The following NRXN2 variants were observed in gnomAD, a reference collection of about 807,000 sequenced individuals.
NRXN2 encodes neurexin 2.
NRXN2 carries 29 observed loss-of-function variants against 128.8 expected under a neutral mutation model. The ratio of observed to expected loss-of-function variants is 0.23; its 90% CI spans 0.17 to 0.31. The LOEUF (loss-of-function observed/expected upper bound fraction) is 0.31, where lower values mean the gene tolerates loss of function less well. NRXN2 is among the 10% of genes least tolerant of loss of function. The probability of loss-of-function intolerance (pLI) is 1.00; values close to 1 mark genes in which losing one functional copy is unlikely to be tolerated. For synonymous variants in NRXN2, 1,098 were observed against 1,075.2 expected, an observed-to-expected ratio of 1.02 and a Z score of -0.41; for missense variants, 1,881 against 2,452.6, an observed-to-expected ratio of 0.77 and a Z score of 4.92.
intron 2 of NRXN2, among the ~76,000 whole-genome samples, chr11:64,706,733 G>C (rs1439060231): frequency 6.6e-6 from 1 of 151,958 alleles, no homozygotes; most frequent in Non-Finnish European, 1.5e-5. Context: ...CAGCTCCTTT[G>C]CTTCAAACGA....
In NRXN2 at chr11:64,630,640, C is replaced by G; in HGVS notation, c.3586-67G>C. The G allele has an allele frequency of 6.4e-7, 1 of 1,561,510 alleles. No homozygotes were observed. Among genetic ancestry groups the G allele is most frequent in the Non-Finnish European group, 8.8e-7 (1 of 1,137,754 alleles). ...CCATTCATCCCTTCTAGTGGCTACT[C>G]CTGTGACCACCACTAGCCCAGCTCC... On this transcript the variant is annotated intron_variant, in intron 18 of 22. Transcript: ENST00000265459. The surrounding 1 kb of genome is among the most constrained non-coding windows in gnomAD (Gnocchi z 4.6).
intron 1 of NRXN2, among the ~76,000 whole-genome samples, chr11:64,721,288 C>T (rs980380181): frequency 1.3e-5 from 2 of 151,868 alleles, no homozygotes; most frequent in East Asian, 1.9e-4. Context: ...GGGGTCCCCA[C>T]CAGCCACTCG....
chr11:64,624,851 T>G (rs905002416), intron 20 of NRXN2, among the ~76,000 whole-genome samples: 2 of 152,148 alleles, frequency 1.3e-5, no homozygotes, highest in African/African-American at 4.8e-5. Flanking sequence ...GCACCTACCA[T>G]AGTCAGGCGC....
intron 17 of NRXN2, among the ~76,000 whole-genome samples, chr11:64,636,464 G>A (rs1398419022): frequency 1.3e-5 from 2 of 152,078 alleles, no homozygotes; most frequent in East Asian, 3.9e-4. Flanking sequence ...GGGAGGCCTG[G>A]AGGACTAGTA....
chr11:64,616,168 C>T (rs2041485063), intron 22 of NRXN2, among the ~76,000 whole-genome samples: 1 of 152,142 alleles, frequency 6.6e-6, no homozygotes, highest in South Asian at 2.1e-4. Flanking sequence ...ATCTGAACCC[C>T]TGTGAGTCTT....
chr11:64,673,019 C>T (rs1565372925), intron 7 of NRXN2, among the ~76,000 whole-genome samples: 1 of 152,152 alleles, frequency 6.6e-6, no homozygotes, highest in African/African-American at 2.4e-5. Flanking sequence ...TAACAACTGT[C>T]GCTCCCATTT....
chr11:64,712,783 C>A, intron 2 of NRXN2, 187 bp downstream of exon 2: 2 of 700,776 alleles, frequency 2.9e-6, no homozygotes, highest in South Asian at 3.0e-5. Context: ...TCGCCCCGCC[C>A]ACCGCCAACC....
intron 15 of NRXN2, 109 bp downstream of exon 15, chr11:64,650,339 A>G (rs2047287006): frequency 8.9e-7 from 1 of 1,125,060 alleles, no homozygotes; most frequent in Admixed American, 1.7e-5. Context: ...AGAGGTGGAA[A>G]CTGGGGGCAG....
chr11:64,706,951 C>CT (rs2056395298), intron 2 of NRXN2, among the ~76,000 whole-genome samples: 20 of 127,624 alleles, frequency 1.6e-4, no homozygotes, highest in African/African-American at 5.5e-4. Context: ...TGTGTATCCC[C>CT]ATTTTTTTTT....
chr11:64,721,479 C>T (rs1428683908), intron 1 of NRXN2, among the ~76,000 whole-genome samples: 2 of 152,006 alleles, frequency 1.3e-5, no homozygotes, highest in Admixed American at 1.3e-4. Context: ...CAGCCAGACC[C>T]TTCTCCCCTG....
chr11:64,698,358 C>T (rs368440709), intron 2 of NRXN2, among the ~76,000 whole-genome samples: 9 of 152,322 alleles, frequency 5.9e-5, no homozygotes, highest in African/African-American at 1.7e-4. Flanking sequence ...CAACCACCTA[C>T]GGCCCCTGAC....
intron 18 of NRXN2, among the ~76,000 whole-genome samples, chr11:64,633,071 A>T (rs2044159736): frequency 6.6e-6 from 1 of 152,054 alleles, no homozygotes; most frequent in Non-Finnish European, 1.5e-5. Flanking sequence ...CACCCTTGCC[A>T]GGCCTCTCCA....
intron 2 of NRXN2, among the ~76,000 whole-genome samples, chr11:64,702,284 A>G (rs866849924): frequency 1.3e-5 from 2 of 151,698 alleles, no homozygotes; most frequent in Admixed American, 1.3e-4. Context: ...CCCGGCCACC[A>G]CCCGTCTGGG....
chr11:64,707,183 G>C (rs1441705185), intron 2 of NRXN2, among the ~76,000 whole-genome samples: 9 of 151,988 alleles, frequency 5.9e-5, no homozygotes, highest in African/African-American at 1.7e-4. Context: ...ACGAGGTCAG[G>C]AGATCGAGAC....
rs564204964 is a variant in NRXN2, at chr11:64,678,006, T to C, written c.1153-969A>G. On this transcript the variant is annotated intron_variant, in intron 6 of 22. Transcript: ENST00000265459. ...AAAAGGAAGGGGTTCCCAAGGAGCA[T>C]AGGAGGGGTCATGGATGCCTGCTTT... Among the ~76,000 whole-genome samples, 11 of 152,166 alleles carry C rather than the reference T, an allele frequency of 7.2e-5. No homozygotes were observed. The South Asian group carries it at 2.1e-3, about 29-fold the overall frequency.
chr11:64,699,409 C>CATGTCTA (rs2054981829), intron 2 of NRXN2, among the ~76,000 whole-genome samples: 1 of 144,302 alleles, frequency 6.9e-6, no homozygotes, highest in Non-Finnish European at 1.5e-5. Flanking sequence ...CTAAAAGATA[C>CATGTCTA]ATGTCTAATA....
chr11:64,626,384 G>T, intron 20 of NRXN2, 79 bp downstream of exon 20: 1 of 1,188,892 alleles, frequency 8.4e-7, no homozygotes, highest in Non-Finnish European at 1.2e-6. Context: ...AAGGCACGGA[G>T]GGGGAAAGAG....
rs1449187922 is a variant in NRXN2, at chr11:64,607,079, G to A, written c.*117C>T. 6.2e-6 allele frequency: 7 copies of A among 1,125,594 alleles called. No individual in the cohort carries two copies. Among genetic ancestry groups the A allele is most frequent in the Admixed American group, 2.7e-5 (1 of 37,600 alleles). The allele number at this position is 1,125,594 out of a possible 1,614,324, so 69.7% of individuals were successfully genotyped here. A position where few individuals can be genotyped will look rare whatever the true frequency, so the allele number is the denominator to read the frequency against. On this transcript the variant is annotated 3_prime_UTR_variant, in exon 23 of 23. Coordinates refer to ENST00000265459, the MANE Select transcript of NRXN2 (RefSeq NM_015080.4). ...CTTTTTTTGCGTTTCCTCTTCGTAA[G>A]AGAAGCCTGAGGCAGCCAGGGAGAG...
At chr11:64,615,884 G>GTAC (rs796962401) in intron 22 of NRXN2, among the ~76,000 whole-genome samples, 10 of 151,498 alleles carry the variant, frequency 6.6e-5, no homozygotes, top group African/African-American at 2.4e-4. Flanking sequence ...GTATACCTCT[G>GTAC]TACAGGTCTA....
Sources: gnomAD v4.1 joint callset for allele counts (sites outside exome capture counted in the v4.1 genomes callset) on GRCh38, gnomAD v4.1.1 for gene constraint, Gnocchi (gnomAD v3.1) non-coding constraint, MANE v1.5 for transcripts, NCBI Gene and HGNC (gene_info 2026-07-23, HGNC 2026-07-21) for gene names.